The following MYO9A variants were observed in gnomAD, a reference collection of about 807,000 sequenced individuals.
MYO9A encodes unconventional myosin-IXa.
In MYO9A, 103 loss-of-function variants were observed where a neutral mutation model predicts 293.3. The observed-to-expected ratio is 0.35, with a 90% CI of 0.30 to 0.41. The LOEUF (loss-of-function observed/expected upper bound fraction) is 0.41. Ranked by LOEUF, MYO9A falls within the 10% of genes least tolerant of loss-of-function variation. The pLI, the probability that MYO9A is intolerant of heterozygous loss-of-function variation, is 1.00. For missense variants in MYO9A, 2,685 were observed against 3,033.0 expected, an observed-to-expected ratio of 0.89 and a Z score of 2.69; for synonymous variants, 1,001 against 1,035.7, an observed-to-expected ratio of 0.97 and a Z score of 0.64.
chr15:72,037,039 C>T (rs531071346), intron 2 of MYO9A, among the ~76,000 whole-genome samples: 1 of 142,560 alleles, frequency 7.0e-6, no homozygotes, highest in Non-Finnish European at 1.6e-5. Context: ...GCCCCTCATC[C>T]TACTTTTTTT....
At chr15:71,985,283 T>C (rs778494759) in intron 11 of MYO9A, among the ~76,000 whole-genome samples, 1 of 150,796 alleles carries the variant, frequency 6.6e-6, no homozygotes, top group African/African-American at 2.4e-5. Flanking sequence ...TCTCTGTCTG[T>C]CTCTCTCTCT....
intron 1 of MYO9A, among the ~76,000 whole-genome samples, chr15:72,112,185 T>A: frequency 6.6e-6 from 1 of 152,112 alleles, no homozygotes; most frequent in Non-Finnish European, 1.5e-5. Flanking sequence ...TGAGAAAAAG[T>A]ATGCTCCAAA....
chr15:72,079,402 T>C (rs1349609224), intron 1 of MYO9A, among the ~76,000 whole-genome samples: 1 of 152,180 alleles, frequency 6.6e-6, no homozygotes. Context: ...AATTTTGGCA[T>C]TTTATTGTAA....
chr15:72,112,784 G>C (rs2080827629), intron 1 of MYO9A, among the ~76,000 whole-genome samples: 2 of 152,192 alleles, frequency 1.3e-5, no homozygotes, highest in Non-Finnish European at 2.9e-5. Context: ...CTGGATTAGT[G>C]ACTAGAAGAA....
chr15:72,077,750 AAAATATATATATAT>A (rs1411838117), intron 1 of MYO9A, among the ~76,000 whole-genome samples: 2 of 45,856 alleles, frequency 4.4e-5, no homozygotes, highest in Admixed American at 2.6e-4. Flanking sequence ...AAAAAAAAAA[AAAATATATATATAT>A]ATATATATAT....
chr15:71,910,597 T>C (rs1750372471), intron 19 of MYO9A, among the ~76,000 whole-genome samples: 1 of 152,204 alleles, frequency 6.6e-6, no homozygotes, highest in Non-Finnish European at 1.5e-5. Context: ...CAGTACCATA[T>C]AAGGTTCTGA....
At chr15:72,111,504 A>T (rs943350374) in intron 1 of MYO9A, among the ~76,000 whole-genome samples, 1 of 151,052 alleles carries the variant, frequency 6.6e-6, no homozygotes, top group African/African-American at 2.4e-5. Context: ...AAAAAAAATT[A>T]ATAAATAAAA....
At chr15:71,911,570 T>G (rs2057852484) in intron 19 of MYO9A, among the ~76,000 whole-genome samples, 1 of 152,170 alleles carries the variant, frequency 6.6e-6, no homozygotes, top group Non-Finnish European at 1.5e-5. Context: ...ACCAGTAAGT[T>G]TTAGTAGCTA....
intron 1 of MYO9A, among the ~76,000 whole-genome samples, chr15:72,078,060 T>C (rs2150318109): frequency 6.6e-6 from 1 of 152,276 alleles, no homozygotes; most frequent in African/African-American, 2.4e-5. Flanking sequence ...ACAGGAACTC[T>C]CATTCATTGC....
chr15:71,938,988 T>C (rs1252698067), intron 15 of MYO9A, 61 bp from the exon 16 acceptor site: 7 of 1,337,228 alleles, frequency 5.2e-6, no homozygotes, highest in South Asian at 1.3e-5. Context: ...AAACGTGAAA[T>C]AGTTTTTCTA....
chr15:72,037,378 G>A (rs1289356244), intron 2 of MYO9A, among the ~76,000 whole-genome samples: 6 of 151,748 alleles, frequency 4.0e-5, no homozygotes, highest in African/African-American at 1.5e-4. Flanking sequence ...AAGGCCACGA[G>A]CATGCACAGC....
chr15:71,894,663 C>T (rs1160896471), intron 25 of MYO9A, among the ~76,000 whole-genome samples: 1 of 152,116 alleles, frequency 6.6e-6, no homozygotes, highest in Non-Finnish European at 1.5e-5. Flanking sequence ...TGTTATCAAA[C>T]TAAAAGTATG....
rs771419608 is a variant in MYO9A at position 71,830,229 on chromosome 15, G to A, written c.6920C>T (p.Ser2307Leu). The change falls in exon 40 of 42, where the codon TCA (serine) becomes TTA (leucine). Residue 2307 changes from serine to leucine, a missense_variant. Coordinates refer to ENST00000356056, the MANE Select transcript of MYO9A (RefSeq NM_006901.4). ...VVRLPSVSDVSEETLTSEAAM... is the reference protein window; with the variant it reads ...VVRLPSVSDVLEETLTSEAAM... Reference sequence around the variant, plus strand: ...TGCCTCACTAGTCAAGGTCTCCTCTGAGACATCAGACACAGAAGGCAACCG... The same window carrying A: ...TGCCTCACTAGTCAAGGTCTCCTCTAAGACATCAGACACAGAAGGCAACCG... The A allele has an allele frequency of 1.2e-6, 2 of 1,614,098 alleles. No individual in the cohort carries two copies. Among genetic ancestry groups the A allele is most frequent in the Admixed American group, 3.3e-5 (2 of 60,004 alleles).
chr15:71,978,361 A>T, intron 11 of MYO9A, 69 bp from the exon 12 acceptor site: 2 of 1,332,358 alleles, frequency 1.5e-6, no homozygotes, highest in Non-Finnish European at 2.1e-6. Context: ...ATATAGATTG[A>T]AAAGCTTTTA....
intron 5 of MYO9A, among the ~76,000 whole-genome samples, chr15:72,020,341 A>C (rs1287082429): frequency 6.6e-6 from 1 of 152,206 alleles, no homozygotes; most frequent in African/African-American, 2.4e-5. Flanking sequence ...TTACTCCTCA[A>C]TGTGGAAGTT....
At chr15:72,030,961 G>A (rs374065958) in intron 3 of MYO9A, among the ~76,000 whole-genome samples, 3 of 152,104 alleles carry the variant, frequency 2.0e-5, no homozygotes, top group Non-Finnish European at 2.9e-5. Context: ...GGAGGTAAGC[G>A]GCCAGCAACT....
chr15:72,016,096 T>C, intron 6 of MYO9A, among the ~76,000 whole-genome samples: 1 of 151,996 alleles, frequency 6.6e-6, no homozygotes, highest in East Asian at 1.9e-4. Flanking sequence ...ATGTTAATAA[T>C]AATAAAAATA....
intron 1 of MYO9A, among the ~76,000 whole-genome samples, chr15:72,076,600 A>G (rs539860852): frequency 6.6e-6 from 1 of 152,284 alleles, no homozygotes; most frequent in Non-Finnish European, 1.5e-5. Flanking sequence ...AGAAATTAAA[A>G]TCTCAATGAA....
chr15:71,961,568 T>C (rs2075741383), intron 13 of MYO9A, among the ~76,000 whole-genome samples: 5 of 152,230 alleles, frequency 3.3e-5, no homozygotes, highest in Admixed American at 2.0e-4. Context: ...TCTCATTTTA[T>C]AGATGAGAAA....
Sources: gnomAD v4.1 joint callset for allele counts (sites outside exome capture counted in the v4.1 genomes callset) on GRCh38, gnomAD v4.1.1 for gene constraint, MANE v1.5 for transcripts, NCBI Gene and HGNC (gene_info 2026-07-23, HGNC 2026-07-21) for gene names.